Variants in SLC6A6 observed in about 807,000 individuals in gnomAD.
SLC6A6 encodes the protein solute carrier family 6 member 6, also known as sodium- and chloride-dependent taurine transporter.
SLC6A6 carries 16 observed loss-of-function variants against 68.8 expected under a neutral mutation model. The ratio of observed to expected loss-of-function variants is 0.23; its 90% CI spans 0.16 to 0.35. The LOEUF is 0.35. Among genes scored for constraint, SLC6A6 ranks in the 10% least tolerant of loss-of-function variants. SLC6A6 has a pLI of 1.00. For missense variants in SLC6A6, 474 were observed against 802.8 expected, an observed-to-expected ratio of 0.59 and a Z score of 4.95; for synonymous variants, 312 against 315.4, an observed-to-expected ratio of 0.99 and a Z score of 0.12.
rs776756360 is a variant in SLC6A6 at position 14,481,630 on chromosome 3, T to A, written c.1552-41T>A. On this transcript the variant is annotated intron_variant, in intron 13 of 14. Coordinates refer to ENST00000622186, the MANE Select transcript of SLC6A6 (RefSeq NM_003043.6). The surrounding 1 kb of genome is among the most constrained non-coding windows in gnomAD (Gnocchi z 4.7). ...GTCCCAGAAGCCCCCCACCCCCCGA[T>A]GCCCAGGACCCCTCTCCTGACTGCC... 88 of 1,071,844 alleles carry A rather than the reference T, an allele frequency of 8.2e-5. 1 individual carries two copies. The highest frequency in any genetic ancestry group is 2.6e-4 in the East Asian group (10 of 38,098). 66.4% of individuals were successfully genotyped at this position (1,071,844 alleles called of 1,614,324 possible).
intron 2 of SLC6A6, among the ~76,000 whole-genome samples, chr3:14,417,470 G>A (rs1273002775): frequency 5.9e-5 from 9 of 151,996 alleles, no homozygotes; most frequent in Admixed American, 2.0e-4. Context: ...CGTGGCTCAC[G>A]CCTGGGATCC....
chr3:14,424,566 G>A (rs1699548989), intron 2 of SLC6A6, among the ~76,000 whole-genome samples: 1 of 152,078 alleles, frequency 6.6e-6, no homozygotes, highest in African/African-American at 2.4e-5. Flanking sequence ...GGTAGGGGGT[G>A]GGGTTGGGTC....
At chr3:14,439,688 G>A (rs761617895) in intron 2 of SLC6A6, among the ~76,000 whole-genome samples, 4 of 152,220 alleles carry the variant, frequency 2.6e-5, no homozygotes, top group African/African-American at 9.6e-5. Context: ...CCTTGTCGGC[G>A]GGTGCAGGGA....
chr3:14,483,254 G>T (rs1054037825), intron 14 of SLC6A6, among the ~76,000 whole-genome samples: 9 of 152,196 alleles, frequency 5.9e-5, no homozygotes, highest in African/African-American at 2.2e-4. Flanking sequence ...CCGTCCTCCT[G>T]TGCCAGTCTG....
intron 5 of SLC6A6, among the ~76,000 whole-genome samples, chr3:14,449,244 G>T (rs1223946162): frequency 1.3e-5 from 2 of 152,248 alleles, no homozygotes; most frequent in Non-Finnish European, 2.9e-5. Flanking sequence ...CAGGCCTTCA[G>T]TGTATGCTCA....
chr3:14,431,447 G>C (rs765045768), intron 2 of SLC6A6, among the ~76,000 whole-genome samples: 31 of 152,214 alleles, frequency 2.0e-4, no homozygotes, highest in Non-Finnish European at 3.7e-4. Flanking sequence ...GGGAACGCAG[G>C]GACAGAGCTG....
chr3:14,458,881 A>G (rs2124968321), intron 6 of SLC6A6, among the ~76,000 whole-genome samples: 2 of 152,362 alleles, frequency 1.3e-5, no homozygotes, highest in Admixed American at 1.3e-4. Context: ...GTTAGTGATT[A>G]ACAAATGTAA....
At chr3:14,473,540 GTC>G (rs1179679889) in intron 10 of SLC6A6, among the ~76,000 whole-genome samples, 1 of 152,172 alleles carries the variant, frequency 6.6e-6, no homozygotes, top group Non-Finnish European at 1.5e-5. Flanking sequence ...TAGGGGAAAA[GTC>G]TCTGAAGGTC....
At position 14,488,107 on chromosome 3, in the gene SLC6A6, G is replaced by C. The variant is rs1001052643; in HGVS notation, c.*3100G>C. 6.5e-6 allele frequency: 1 copy of C among 152,828 alleles called. No homozygotes were observed. The highest frequency in any genetic ancestry group is 1.5e-5 in the Non-Finnish European group (1 of 68,214). The allele number at this position is 152,828 out of a possible 1,614,324, so 9.5% of individuals were successfully genotyped here. The stretch of plus-strand genomic sequence containing the variant: ...GCTAGGAATTGAGATCCCTGTTTGT[G>C]AAAGAGGGAACTGAGGTGCAGAGAA... On this transcript the variant is annotated 3_prime_UTR_variant, in exon 15 of 15. Coordinates refer to ENST00000622186, the MANE Select transcript of SLC6A6 (RefSeq NM_003043.6).
At chr3:14,419,157 A>G (rs990515831) in intron 2 of SLC6A6, among the ~76,000 whole-genome samples, 3 of 152,244 alleles carry the variant, frequency 2.0e-5, no homozygotes, top group African/African-American at 7.2e-5. Flanking sequence ...AGCCCATTTT[A>G]TAGAAAAGGC....
intron 3 of SLC6A6, 101 bp from the exon 4 acceptor site, chr3:14,445,616 A>G (rs546732208): frequency 3.7e-5 from 50 of 1,334,628 alleles, no homozygotes; most frequent in Non-Finnish European, 4.6e-5. Flanking sequence ...CATGCCCCTC[A>G]TGCATTCTCT....
In SLC6A6 at chr3:14,467,944, A is replaced by G. The variant is rs1043125862; in HGVS notation, c.959A>G (p.Tyr320Cys). Residue 320 changes from tyrosine to cysteine, a missense_variant, in exon 8 of 15, where the codon TAT (tyrosine) becomes TGT (cysteine). Physicochemically the swap from Tyr to Cys is radical, Grantham distance 194. Coordinates refer to ENST00000622186, the MANE Select transcript of SLC6A6 (RefSeq NM_003043.6). ...TSLGSYNKYK[Y>C]NSYRDCMLLG... ...CTGGGGAGCTACAACAAGTACAAGT[A>G]TAACTCGTACAGGCAAGTGTTGCGC... 6.2e-7 allele frequency: 1 copy of G among 1,610,310 alleles called. No individual in the cohort carries two copies. The highest frequency in any genetic ancestry group is 8.5e-7 in the Non-Finnish European group (1 of 1,176,494).
At chr3:14,470,787 G>A (rs533909117) in intron 9 of SLC6A6, among the ~76,000 whole-genome samples, 1 of 152,296 alleles carries the variant, frequency 6.6e-6, no homozygotes, top group African/African-American at 2.4e-5. Flanking sequence ...ACCGGGTCCT[G>A]GGGTCCATAT....
intron 6 of SLC6A6, among the ~76,000 whole-genome samples, chr3:14,466,015 ACTTTGGGAGG>A (rs1700607596): frequency 6.6e-6 from 1 of 152,270 alleles, no homozygotes; most frequent in Non-Finnish European, 1.5e-5. Context: ...TAATCCCAGC[ACTTTGGGAGG>A]CTGAGGCAGG....
rs943952329 is a variant in SLC6A6 at position 14,485,260 on chromosome 3, G to A, written c.*253G>A. Reference sequence around the variant, plus strand: ...ACGGGAAGATGTCCGTGGAGAGGCAGAGCTTTCATACTGAATTAGATGTAT... The same window carrying A: ...ACGGGAAGATGTCCGTGGAGAGGCAAAGCTTTCATACTGAATTAGATGTAT... On this transcript the variant is annotated 3_prime_UTR_variant, in exon 15 of 15. Coordinates refer to ENST00000622186, the MANE Select transcript of SLC6A6 (RefSeq NM_003043.6). 6 of 345,274 alleles carry A rather than the reference G, an allele frequency of 1.7e-5. No individual in the cohort carries two copies. In the South Asian group the frequency reaches 4.7e-4, roughly 27 times the overall value. The allele number at this position is 345,274 out of a possible 1,614,324, so 21.4% of individuals were successfully genotyped here.
At chr3:14,437,977 A>G (rs1474918426) in intron 2 of SLC6A6, among the ~76,000 whole-genome samples, 1 of 148,030 alleles carries the variant, frequency 6.8e-6, no homozygotes, top group Non-Finnish European at 1.5e-5. Flanking sequence ...ACAGGAGTGC[A>G]TCACATCATC....
intron 14 of SLC6A6, among the ~76,000 whole-genome samples, chr3:14,483,806 C>T (rs1010597414): frequency 5.3e-5 from 8 of 152,104 alleles, no homozygotes; most frequent in South Asian, 2.1e-4. Context: ...CTCAGCCTCC[C>T]GAGTAACTTG....
chr3:14,407,952 A>AT (rs35641033), intron 1 of SLC6A6, among the ~76,000 whole-genome samples: 55,849 of 149,110 alleles, frequency 0.37, 10,361 homozygotes, highest in Non-Finnish European at 0.39. Context: ...TCAGGAGTTG[A>AT]TTTTTTTTTT....
rs993207592 is a variant in SLC6A6 at position 14,486,361 on chromosome 3, C to T, written c.*1354C>T. ...GAACAAGGGCAGCCCGTGGTGCTGACCTAGGATATAACAAAGCTCTTCACT... is the reference window on the plus strand; with the variant it reads ...GAACAAGGGCAGCCCGTGGTGCTGATCTAGGATATAACAAAGCTCTTCACT... On this transcript the variant is annotated 3_prime_UTR_variant, in exon 15 of 15. Transcript: ENST00000622186. 2.0e-5 allele frequency: 3 copies of T among 152,552 alleles called. No homozygotes were observed. Among genetic ancestry groups the T allele is most frequent in the Non-Finnish European group, 2.9e-5 (2 of 68,042 alleles). 9.4% of individuals were successfully genotyped at this position (152,552 alleles called of 1,614,324 possible). A position where few individuals can be genotyped will look rare whatever the true frequency, so the allele number is the denominator to read the frequency against.
Sources: allele counts gnomAD v4.1 joint callset (sites outside exome capture counted in the v4.1 genomes callset), GRCh38; gene constraint gnomAD v4.1.1; non-coding constraint Gnocchi (gnomAD v3.1); transcripts MANE v1.5; gene names NCBI Gene and HGNC (gene_info 2026-07-23, HGNC 2026-07-21).